Variants in PKHD1 observed in about 807,000 individuals in gnomAD.
PKHD1 encodes fibrocystin.
In PKHD1, 291 loss-of-function variants were observed where a neutral mutation model predicts 412.0. That is an observed-to-expected ratio of 0.71 (90% confidence interval 0.64 to 0.78). PKHD1 has a LOEUF of 0.78. PKHD1 is among the 30% of genes least tolerant of loss of function. PKHD1 has a pLI of 0.00. For missense variants in PKHD1, 4,825 were observed against 4,950.7 expected (o/e 0.97, Z 0.76); for synonymous variants, 1,777 against 1,821.5 (o/e 0.98, Z 0.62).
chr6:51,777,679 G>GAAAAAAAAAAAA (rs59379021), intron 53 of PKHD1, among the ~76,000 whole-genome samples: 2 of 118,796 alleles, frequency 1.7e-5, no homozygotes, highest in Admixed American at 8.6e-5. Context: ...GAGTCTTTGG[G>GAAAAAAAAAAAA]AAAAAAAAAA....
In PKHD1 at chr6:51,868,075, A is replaced by G; in HGVS notation, c.7521T>C (p.Phe2507=). ...GFTVKTSQLK[F]TNSSNLVAFP... ...ATGCCACTAAGTTTGAAGAGTTTGT[A>G]AACTTCAACTGGCTGGTCTTCACAG... Residue 2507 remains phenylalanine (F), a synonymous_variant, in exon 48 of 67, where the codon TTT becomes TTC. Coordinates refer to ENST00000371117, the MANE Select transcript of PKHD1 (RefSeq NM_138694.4). 6.2e-7 allele frequency: 1 copy of G among 1,612,200 alleles called. No homozygotes were observed. Among genetic ancestry groups the G allele is most frequent in the Non-Finnish European group, 8.5e-7 (1 of 1,178,322 alleles).
intron 37 of PKHD1, among the ~76,000 whole-genome samples, chr6:51,927,300 C>A (rs1332439277): frequency 6.6e-6 from 1 of 152,044 alleles, no homozygotes; most frequent in Non-Finnish European, 1.5e-5. Context: ...CTAGAACCTA[C>A]CAGGAGGACA....
chr6:52,034,813 A>C (rs1212444328), intron 28 of PKHD1, among the ~76,000 whole-genome samples: 1 of 152,244 alleles, frequency 6.6e-6, no homozygotes, highest in Non-Finnish European at 1.5e-5. Flanking sequence ...TGTAGTGTAC[A>C]TATAAAAGCT....
In PKHD1 at chr6:51,841,353, G is replaced by T. The variant is rs983326336; in HGVS notation, c.8108-4884C>A. Among the ~76,000 whole-genome samples the T allele has an allele frequency of 2.0e-4, 30 of 148,888 alleles. 1 individual carries two copies. The highest frequency in any genetic ancestry group is 6.4e-4 in the African/African-American group (26 of 40,682). On this transcript the variant is annotated intron_variant, in intron 50 of 66. Transcript: ENST00000371117. Reference sequence around the variant, plus strand: ...TGAGTGATTCCTAAAAGATGTATTTGATTCTAAGTTTCCTTCCCTTTCCTT... The same window carrying T: ...TGAGTGATTCCTAAAAGATGTATTTTATTCTAAGTTTCCTTCCCTTTCCTT...
At chr6:51,945,979 T>C (rs1488274726) in intron 36 of PKHD1, among the ~76,000 whole-genome samples, 1 of 152,254 alleles carries the variant, frequency 6.6e-6, no homozygotes, top group Non-Finnish European at 1.5e-5. Flanking sequence ...TGTTTATACA[T>C]GATTTATTTT....
At chr6:51,755,654 T>C (rs1236569623) in intron 55 of PKHD1, among the ~76,000 whole-genome samples, 2 of 152,208 alleles carry the variant, frequency 1.3e-5, no homozygotes, top group Non-Finnish European at 2.9e-5. Context: ...TGTTTTATTT[T>C]CTTCATAGTC....
chr6:51,907,484 C>A (rs766680963), intron 40 of PKHD1, among the ~76,000 whole-genome samples: 1 of 152,098 alleles, frequency 6.6e-6, no homozygotes, highest in Non-Finnish European at 1.5e-5. Context: ...CCATATCACC[C>A]AAACAGCATA....
rs188207196 is a variant in PKHD1, at chr6:51,895,280, T to G, written c.6997-8035A>C. ...ACTCGCCTAGGGAACACAGGTTTTT[T>G]TCACGTATACCCAGTTACCACCTAT... On this transcript the variant is annotated intron_variant, in intron 43 of 66. Transcript: ENST00000371117. Among the ~76,000 whole-genome samples, 452 of 152,274 alleles carry G rather than the reference T, an allele frequency of 3.0e-3. 1 individual carries two copies. Among genetic ancestry groups the G allele is most frequent in the African/African-American group, 0.01 (422 of 41,550 alleles).
chr6:51,836,516 A>C (rs555690738), intron 50 of PKHD1, 47 bp from the exon 51 acceptor site: 88 of 1,305,798 alleles, frequency 6.7e-5, no homozygotes, highest in Non-Finnish European at 9.5e-5. Context: ...AGATCATCTT[A>C]ATATTAAAGA....
At chr6:51,908,740 A>C (rs1267835833) in intron 40 of PKHD1, among the ~76,000 whole-genome samples, 1 of 152,110 alleles carries the variant, frequency 6.6e-6, no homozygotes, top group Non-Finnish European at 1.5e-5. Flanking sequence ...AGATCTGCAC[A>C]TGTAACTGCT....
At chr6:51,880,964 T>C (rs1174402285) in intron 46 of PKHD1, among the ~76,000 whole-genome samples, 2 of 133,840 alleles carry the variant, frequency 1.5e-5, no homozygotes, top group African/African-American at 5.6e-5. Flanking sequence ...AGACTCCGTC[T>C]CAAAAAAAAA....
chr6:51,778,596 T>C (rs1388374524), intron 53 of PKHD1, among the ~76,000 whole-genome samples: 2 of 152,014 alleles, frequency 1.3e-5, no homozygotes, highest in African/African-American at 4.8e-5. Context: ...AACAATGTGT[T>C]CCAGATGCTA....
chr6:51,766,617 A>C (rs1789072368), intron 55 of PKHD1, among the ~76,000 whole-genome samples: 1 of 151,276 alleles, frequency 6.6e-6, no homozygotes, highest in African/African-American at 2.4e-5. Context: ...GTGTATTCAT[A>C]TTTTTATTTT....
intron 46 of PKHD1, among the ~76,000 whole-genome samples, chr6:51,871,434 T>A: frequency 8.6e-6 from 1 of 116,904 alleles, no homozygotes; most frequent in Non-Finnish European, 2.1e-5. Flanking sequence ...AAAGGTTACA[T>A]ACTATATGAC....
intron 46 of PKHD1, among the ~76,000 whole-genome samples, chr6:51,874,180 A>C (rs1038933576): frequency 2.6e-5 from 4 of 152,240 alleles, no homozygotes; most frequent in Non-Finnish European, 5.9e-5. Context: ...TATTTTTTAA[A>C]GTAGCATCAT....
intron 56 of PKHD1, among the ~76,000 whole-genome samples, chr6:51,753,999 A>T (rs1241675563): frequency 1.3e-5 from 2 of 152,224 alleles, no homozygotes; most frequent in African/African-American, 4.8e-5. Flanking sequence ...TTACTAAAAA[A>T]GAAATGCTCC....
chr6:51,741,788 A>G lies in PKHD1; in HGVS notation c.10156+2597T>C, dbSNP rs112758980. Among the ~76,000 whole-genome samples the G allele has an allele frequency of 7.3e-3, 1,115 of 152,296 alleles. 8 individuals carry two copies. Among genetic ancestry groups the G allele is most frequent in the South Asian group, 0.016 (75 of 4,826 alleles). On this transcript the variant is annotated intron_variant, in intron 60 of 66. Coordinates refer to ENST00000371117, the MANE Select transcript of PKHD1 (RefSeq NM_138694.4). ...AAACTACTTGGATTCTAAGCCTTGT[A>G]TCAGGGTCTGCTTCTGGGACAACCC... is the stretch of plus-strand genomic sequence containing the variant.
Position 52,053,139 on chromosome 6 carries a change from G to A in PKHD1, c.2077C>T (p.Leu693=). The A allele has an allele frequency of 1.2e-6, 2 of 1,614,188 alleles. No individual in the cohort carries two copies. The highest frequency in any genetic ancestry group is 8.5e-7 in the Non-Finnish European group (1 of 1,179,988). Residue 693 remains leucine (L), a synonymous_variant, in exon 21 of 67, where the codon CTG becomes TTG. Transcript: ENST00000371117. ...VLVHQINLLP[L]AQETGLFYVD... Reference sequence around the variant, plus strand: ...TAGAACAGGCCCGTCTCCTGGGCCAGAGGGAGAAGGTTGATCTGATGAACC... The same window carrying A: ...TAGAACAGGCCCGTCTCCTGGGCCAAAGGGAGAAGGTTGATCTGATGAACC...
chr6:51,959,791 G>T, intron 36 of PKHD1, 79 bp downstream of exon 36: 1 of 1,296,654 alleles, frequency 7.7e-7, no homozygotes. Context: ...AACTTATCCA[G>T]AAAGTTTCCC....
Sources: allele counts gnomAD v4.1 joint callset (sites outside exome capture counted in the v4.1 genomes callset), GRCh38; gene constraint gnomAD v4.1.1; transcripts MANE v1.5; gene names NCBI Gene and HGNC (gene_info 2026-07-23, HGNC 2026-07-21).